The following ST6GALNAC3 variants were observed in gnomAD, a reference collection of about 807,000 sequenced individuals.
ST6GALNAC3 encodes the protein ST6 N-acetylgalactosaminide alpha-2,6-sialyltransferase 3, also known as alpha-N-acetylgalactosaminide alpha-2,6-sialyltransferase 3.
ST6GALNAC3 carries 25 observed loss-of-function variants against 32.7 expected under a neutral mutation model. The ratio of observed to expected loss-of-function variants is 0.76; its 90% confidence interval spans 0.56 to 1.07. The LOEUF (loss-of-function observed/expected upper bound fraction) is 1.07. ST6GALNAC3 is among the 50% of genes least tolerant of loss of function. The pLI is 0.00. For synonymous variants in ST6GALNAC3, 129 were observed against 133.1 expected, an observed-to-expected ratio of 0.97 and a Z score of 0.21; for missense variants, 355 against 382.4, an observed-to-expected ratio of 0.93 and a Z score of 0.60.
At chr1:76,184,838 T>C (rs7521939) in intron 1 of ST6GALNAC3, among the ~76,000 whole-genome samples, 2 of 152,000 alleles carry the variant, frequency 1.3e-5, no homozygotes, top group African/African-American at 4.8e-5. Flanking sequence ...GACTGTCTTA[T>C]TTTGAGTTAA....
At chr1:76,585,584 C>G (rs1646951528) in intron 3 of ST6GALNAC3, among the ~76,000 whole-genome samples, 1 of 151,962 alleles carries the variant, frequency 6.6e-6, no homozygotes. Flanking sequence ...AGTAGATGCA[C>G]AGTTCATGCT....
intron 3 of ST6GALNAC3, among the ~76,000 whole-genome samples, chr1:76,520,393 G>A (rs1662446923): frequency 6.6e-6 from 1 of 152,098 alleles, no homozygotes; most frequent in South Asian, 2.1e-4. Context: ...TGTATTTACA[G>A]CATAATCCTA....
chr1:76,571,273 C>T (rs1029180758), intron 3 of ST6GALNAC3, among the ~76,000 whole-genome samples: 13 of 152,020 alleles, frequency 8.6e-5, no homozygotes, highest in African/African-American at 3.1e-4. Context: ...TATTCAATTC[C>T]AATGTCATGC....
At chr1:76,437,418 C>T (rs1656216028) in intron 3 of ST6GALNAC3, among the ~76,000 whole-genome samples, 1 of 151,994 alleles carries the variant, frequency 6.6e-6, no homozygotes, top group African/African-American at 2.4e-5. Flanking sequence ...TTTTCAGTGT[C>T]TGATTGTTCT....
At chr1:76,439,862 C>T (rs948055644) in intron 3 of ST6GALNAC3, among the ~76,000 whole-genome samples, 21 of 152,174 alleles carry the variant, frequency 1.4e-4, no homozygotes, top group African/African-American at 4.6e-4. Flanking sequence ...TTCCACTTAC[C>T]ATCAGTGTCA....
chr1:76,224,234 T>G (rs1655942649), intron 1 of ST6GALNAC3, among the ~76,000 whole-genome samples: 2 of 152,204 alleles, frequency 1.3e-5, no homozygotes. Flanking sequence ...TTATTTACTT[T>G]GTGAGGAACA....
intron 3 of ST6GALNAC3, among the ~76,000 whole-genome samples, chr1:76,549,724 A>G (rs1029506567): frequency 6.6e-6 from 1 of 152,150 alleles, no homozygotes; most frequent in Admixed American, 6.5e-5. Context: ...GTAAATTTAC[A>G]GGGGGAAGGA....
chr1:76,492,577 C>A (rs959616957), intron 3 of ST6GALNAC3, among the ~76,000 whole-genome samples: 1 of 152,066 alleles, frequency 6.6e-6, no homozygotes, highest in Non-Finnish European at 1.5e-5. Flanking sequence ...TCTTGGGACA[C>A]CAAACCACCC....
chr1:76,619,663 A>G (rs1387122977), intron 3 of ST6GALNAC3, among the ~76,000 whole-genome samples: 1 of 152,198 alleles, frequency 6.6e-6, no homozygotes, highest in Non-Finnish European at 1.5e-5. Context: ...ATTTCAAAAC[A>G]TAATGTAAAA....
At chr1:76,543,320 A>C (rs1664103310) in intron 3 of ST6GALNAC3, among the ~76,000 whole-genome samples, 1 of 152,160 alleles carries the variant, frequency 6.6e-6, no homozygotes, top group Admixed American at 6.5e-5. Context: ...ATAACAATCC[A>C]AGTGCTATAA....
At position 76,627,599 on chromosome 1, in the gene ST6GALNAC3, G is replaced by A. The variant is rs191479461; in HGVS notation, c.731+40G>A. 1.7e-4 allele frequency: 241 copies of A among 1,384,456 alleles called. 2 individuals are homozygous for A. The highest frequency in any genetic ancestry group is 1.1e-4 in the Non-Finnish European group (110 of 973,604). The allele number at this position is 1,384,456 out of a possible 1,614,324, so 85.8% of individuals were successfully genotyped here. On this transcript the variant is annotated intron_variant, in intron 4 of 4. Transcript: ENST00000328299. Reference sequence around the variant, plus strand: ...AATTATTTTTATGCAGCTCCAATTCGGAGATCTTGTCAAAATATCACAATT... The same window carrying A: ...AATTATTTTTATGCAGCTCCAATTCAGAGATCTTGTCAAAATATCACAATT...
At chr1:76,331,973 T>A (rs779011625) in intron 2 of ST6GALNAC3, among the ~76,000 whole-genome samples, 2 of 152,222 alleles carry the variant, frequency 1.3e-5, no homozygotes, top group South Asian at 4.1e-4. Flanking sequence ...AAAGATTGAT[T>A]GGAACACAAG....
chr1:76,459,046 G>T (rs910262176), intron 3 of ST6GALNAC3, among the ~76,000 whole-genome samples: 4 of 152,152 alleles, frequency 2.6e-5, no homozygotes, highest in Non-Finnish European at 5.9e-5. Context: ...AGGAAGATAT[G>T]TGTATTCCTT....
chr1:76,120,708 A>G (rs1388010134), intron 1 of ST6GALNAC3, among the ~76,000 whole-genome samples: 2 of 152,194 alleles, frequency 1.3e-5, no homozygotes, highest in Non-Finnish European at 2.9e-5. Flanking sequence ...CGACCTAAAC[A>G]GAGGTCCCAA....
At chr1:76,469,486 T>C (rs1658876875) in intron 3 of ST6GALNAC3, among the ~76,000 whole-genome samples, 1 of 152,082 alleles carries the variant, frequency 6.6e-6, no homozygotes, top group South Asian at 2.1e-4. Context: ...CAGTTAAAAG[T>C]ATTAAGGTAA....
At chr1:76,280,001 C>T (rs1017749084) in intron 1 of ST6GALNAC3, among the ~76,000 whole-genome samples, 4 of 152,064 alleles carry the variant, frequency 2.6e-5, no homozygotes, top group African/African-American at 9.7e-5. Flanking sequence ...TGTCTTTTCT[C>T]TCATCTTGCC....
intron 1 of ST6GALNAC3, among the ~76,000 whole-genome samples, chr1:76,111,535 A>C (rs910131911): frequency 1.2e-4 from 18 of 151,076 alleles, no homozygotes; most frequent in Admixed American, 6.6e-4. Context: ...AGGTCAGCAG[A>C]TAAACAAGTG....
At chr1:76,421,251 A>T (rs1275029442) in intron 3 of ST6GALNAC3, among the ~76,000 whole-genome samples, 1 of 152,116 alleles carries the variant, frequency 6.6e-6, no homozygotes, top group Admixed American at 6.6e-5. Context: ...GGATTTTGAT[A>T]GAAAAGTTTC....
intron 3 of ST6GALNAC3, among the ~76,000 whole-genome samples, chr1:76,578,327 G>A (rs1170440843): frequency 1.3e-5 from 2 of 152,036 alleles, no homozygotes; most frequent in Non-Finnish European, 2.9e-5. Context: ...ACTAGATGTA[G>A]TAAACAATCA....
Sources: gnomAD v4.1 joint callset for allele counts (sites outside exome capture counted in the v4.1 genomes callset) on GRCh38, gnomAD v4.1.1 for gene constraint, MANE v1.5 for transcripts, NCBI Gene and HGNC (gene_info 2026-07-23, HGNC 2026-07-21) for gene names.